The following AK8 variants were observed in gnomAD, a reference collection of about 807,000 sequenced individuals.
AK8 encodes the protein ATP-AMP transphosphorylase 8.
AK8 carries 44 observed loss-of-function variants against 54.6 expected under a neutral mutation model. That is an observed-to-expected ratio of 0.81 (90% CI 0.63 to 1.04). AK8 has a LOEUF of 1.04. Ranked by LOEUF, AK8 falls within the 50% of genes least tolerant of loss-of-function variation. The pLI, the probability that AK8 is intolerant of heterozygous loss-of-function variation, is 0.00. For missense variants in AK8, 555 were observed against 613.6 expected, an observed-to-expected ratio of 0.90 and a Z score of 1.01; for synonymous variants, 239 against 245.6, an observed-to-expected ratio of 0.97 and a Z score of 0.25.
intron 11 of AK8, among the ~76,000 whole-genome samples, chr9:132,784,242 G>A (rs1053845432): frequency 1.1e-4 from 16 of 151,750 alleles, no homozygotes; most frequent in East Asian, 1.9e-4. Context: ...TCCATAGGCC[G>A]GGCGCAGTGG....
intron 5 of AK8, among the ~76,000 whole-genome samples, chr9:132,854,592 C>G (rs1355708211): frequency 6.6e-6 from 1 of 152,266 alleles, no homozygotes; most frequent in East Asian, 1.9e-4. Context: ...TGCGATTGTC[C>G]TGTCATTAAA....
chr9:132,776,398 G>C (rs1465649566), intron 11 of AK8, among the ~76,000 whole-genome samples: 1 of 152,234 alleles, frequency 6.6e-6, no homozygotes, highest in Non-Finnish European at 1.5e-5. Context: ...ACTCGCTTTT[G>C]CTACAACAAA....
intron 5 of AK8, among the ~76,000 whole-genome samples, chr9:132,839,831 G>GCA (rs936515790): frequency 1.7e-5 from 2 of 118,956 alleles, no homozygotes; most frequent in African/African-American, 7.1e-5. Flanking sequence ...GGGGGGGGGG[G>GCA]CGCAGGGACG....
intron 11 of AK8, among the ~76,000 whole-genome samples, chr9:132,772,352 T>C (rs533396880): frequency 6.6e-6 from 1 of 152,332 alleles, no homozygotes; most frequent in South Asian, 2.1e-4. Context: ...GGTGACTGTA[T>C]TTGAACACAG....
intron 5 of AK8, among the ~76,000 whole-genome samples, chr9:132,829,019 C>T (rs941328186): frequency 7.3e-5 from 11 of 150,992 alleles, no homozygotes; most frequent in Admixed American, 7.3e-4. Context: ...TGCAATGGCA[C>T]AATCTCGGCA....
intron 11 of AK8, among the ~76,000 whole-genome samples, chr9:132,783,268 T>TG (rs200168108): frequency 0.024 from 3,710 of 152,180 alleles, 144 homozygotes; most frequent in African/African-American, 0.085. Flanking sequence ...CCAAGGAATG[T>TG]GGAAGCCTCT....
intron 8 of AK8, among the ~76,000 whole-genome samples, chr9:132,824,692 G>A (rs1381543936): frequency 6.6e-6 from 1 of 152,202 alleles, no homozygotes. Flanking sequence ...ATTGTGAACC[G>A]CTGGGATATG....
chr9:132,843,148 T>C (rs1397371077), intron 5 of AK8, among the ~76,000 whole-genome samples: 1 of 152,190 alleles, frequency 6.6e-6, no homozygotes, highest in Non-Finnish European at 1.5e-5. Flanking sequence ...AAATCTCACA[T>C]TAAAATGTAA....
At chr9:132,848,954 G>C (rs1263415740) in intron 5 of AK8, among the ~76,000 whole-genome samples, 1 of 148,366 alleles carries the variant, frequency 6.7e-6, no homozygotes, top group Non-Finnish European at 1.5e-5. Flanking sequence ...TGTCGCCCAG[G>C]CTGGAGTGCA....
At chr9:132,873,222 G>A (rs1052647769) in intron 2 of AK8, among the ~76,000 whole-genome samples, 10 of 152,212 alleles carry the variant, frequency 6.6e-5, no homozygotes, top group Admixed American at 1.3e-4. Flanking sequence ...GAAACTAGAC[G>A]TCATATTCCT....
At chr9:132,795,309 G>A (rs1047664699) in intron 10 of AK8, among the ~76,000 whole-genome samples, 1 of 149,248 alleles carries the variant, frequency 6.7e-6, no homozygotes, top group Non-Finnish European at 1.5e-5. Context: ...TCACAGTGTT[G>A]GGGCTCCCCT....
rs1480494565 is a variant in AK8 at position 132,848,140 on chromosome 9, AAAAG to A, written c.402+6713_402+6716del. ...CAAAAAAAAAAAAAAAAAAAAAAAA[AAAAG>A]ATTGAAGAGAAGAAAGGAAGACTCC... is the stretch of plus-strand genomic sequence containing the variant. On this transcript the variant is annotated intron_variant, in intron 5 of 12. Coordinates refer to ENST00000298545, the MANE Select transcript of AK8 (RefSeq NM_152572.3). Among the ~76,000 whole-genome samples, 75 of 92,538 alleles carry A rather than the reference AAAAG, an allele frequency of 8.1e-4. 5 individuals are homozygous for A. The highest frequency in any genetic ancestry group is 2.8e-3 in the South Asian group (8 of 2,898). The allele number at this position is 92,538 out of a possible 152,430, so 60.7% of individuals were successfully genotyped here.
At chr9:132,802,675 C>A (rs895190507) in intron 10 of AK8, among the ~76,000 whole-genome samples, 30 of 152,168 alleles carry the variant, frequency 2.0e-4, no homozygotes, top group African/African-American at 7.0e-4. Context: ...GCAGATGCAA[C>A]GTGGAGAAAA....
At chr9:132,802,949 G>A (rs1840535383) in intron 10 of AK8, among the ~76,000 whole-genome samples, 1 of 152,190 alleles carries the variant, frequency 6.6e-6, no homozygotes, top group South Asian at 2.1e-4. Context: ...CCAAGACTGG[G>A]TAATTTATAA....
chr9:132,736,937 C>T (rs1837149335), intron 11 of AK8, among the ~76,000 whole-genome samples: 1 of 151,842 alleles, frequency 6.6e-6, no homozygotes, highest in Non-Finnish European at 1.5e-5. Context: ...CAAATTCATA[C>T]AGACAGAAAG....
At chr9:132,838,071 G>A (rs1271036829) in intron 5 of AK8, among the ~76,000 whole-genome samples, 1 of 152,234 alleles carries the variant, frequency 6.6e-6, no homozygotes, top group Non-Finnish European at 1.5e-5. Context: ...TGTTCCTACT[G>A]TCAGTGGGAT....
At chr9:132,794,954 C>T (rs951457886) in intron 10 of AK8, among the ~76,000 whole-genome samples, 9 of 152,164 alleles carry the variant, frequency 5.9e-5, no homozygotes, top group South Asian at 2.1e-4. Context: ...GGCACACAGC[C>T]GACACTCAAA....
chr9:132,867,812 G>T (rs758785521), intron 2 of AK8, among the ~76,000 whole-genome samples: 2 of 152,254 alleles, frequency 1.3e-5, no homozygotes, highest in Non-Finnish European at 2.9e-5. Flanking sequence ...ACTGCTTGCA[G>T]GACAACTCTG....
At chr9:132,750,549 C>T (rs2131012299) in intron 11 of AK8, among the ~76,000 whole-genome samples, 1 of 152,136 alleles carries the variant, frequency 6.6e-6, no homozygotes, top group East Asian at 1.9e-4. Flanking sequence ...GGGACATCCC[C>T]TCTGAGCTTT....
Sources: allele counts gnomAD v4.1 joint callset (sites outside exome capture counted in the v4.1 genomes callset), GRCh38; gene constraint gnomAD v4.1.1; transcripts MANE v1.5; gene names NCBI Gene and HGNC (gene_info 2026-07-23, HGNC 2026-07-21).